The following SLCO3A1 variants were observed in gnomAD, a reference collection of about 807,000 sequenced individuals.
SLCO3A1 encodes PGE1 transporter.
Under a neutral mutation model 63.1 loss-of-function variants are expected in SLCO3A1, and 27 were observed. That is an observed-to-expected ratio of 0.43 (90% confidence interval 0.32 to 0.59). The LOEUF (loss-of-function observed/expected upper bound fraction) is 0.59. Among genes scored for constraint, SLCO3A1 ranks in the 20% least tolerant of loss-of-function variants. The pLI is 0.09. For missense variants in SLCO3A1, 773 were observed against 945.8 expected (o/e 0.82, Z 2.40); for synonymous variants, 473 against 409.9 (o/e 1.15, Z -1.86).
chr15:91,947,108 C>T (rs546667596), intron 2 of SLCO3A1, among the ~76,000 whole-genome samples: 76 of 152,330 alleles, frequency 5.0e-4, no homozygotes, highest in African/African-American at 1.8e-3. Flanking sequence ...GTATTTCCTT[C>T]CCTGGCCTTG....
At chr15:92,021,986 G>A (rs960026372) in intron 2 of SLCO3A1, among the ~76,000 whole-genome samples, 1 of 152,202 alleles carries the variant, frequency 6.6e-6, no homozygotes, top group East Asian at 1.9e-4. Context: ...TGGCAGGAAG[G>A]CAAAGCCAAT....
rs985137435 is a variant in SLCO3A1, at chr15:91,859,223, C to G, written c.180+5135C>G. On this transcript the variant is annotated intron_variant, in intron 1 of 9. Coordinates refer to ENST00000318445, the MANE Select transcript of SLCO3A1 (RefSeq NM_013272.4). This position sits in a 1 kb window ranked among gnomAD's most constrained non-coding sequence, Gnocchi z 5.1. ...TGACACATGGATTTGGAACCGTTCT[C>G]CCCTGAAGAAAATCTCGGTATTTTC... 6.6e-6 allele frequency among the ~76,000 whole-genome samples: 1 copy of G among 152,186 alleles called. No homozygotes were observed. The highest frequency in any genetic ancestry group is 2.4e-5 in the African/African-American group (1 of 41,436).
chr15:92,101,488 G>A (rs543984539), intron 3 of SLCO3A1, among the ~76,000 whole-genome samples: 15 of 152,030 alleles, frequency 9.9e-5, no homozygotes, highest in Admixed American at 4.6e-4. Flanking sequence ...CAGCCTGGCC[G>A]ACAGAGCGAG....
intron 2 of SLCO3A1, among the ~76,000 whole-genome samples, chr15:92,037,910 G>A (rs140924118): frequency 1.3e-5 from 2 of 152,274 alleles, no homozygotes; most frequent in Non-Finnish European, 2.9e-5. Flanking sequence ...TTTATGACAA[G>A]GTGATCTGTC....
At chr15:92,051,096 C>T (rs907316247) in intron 2 of SLCO3A1, among the ~76,000 whole-genome samples, 1 of 152,204 alleles carries the variant, frequency 6.6e-6, no homozygotes, top group Admixed American at 6.5e-5. Context: ...TTATTACCTA[C>T]AATTTTCTTG....
At chr15:92,044,190 GA>G (rs2151489943) in intron 2 of SLCO3A1, among the ~76,000 whole-genome samples, 1 of 152,112 alleles carries the variant, frequency 6.6e-6, no homozygotes, top group African/African-American at 2.4e-5. Flanking sequence ...TGGCTTCTGG[GA>G]AGGAGGGCAA....
rs1012550454 is a variant in SLCO3A1 at position 92,022,474 on chromosome 15, G to A, written c.647-72407G>A. ...CTTAAAGTGTAGGAAGCTCTCAGAT[G>A]GAGGAAGAAGCTCTTGCCTTGTAGG... On this transcript the variant is annotated intron_variant, in intron 2 of 9. Coordinates refer to ENST00000318445, the MANE Select transcript of SLCO3A1 (RefSeq NM_013272.4). 5.9e-5 allele frequency among the ~76,000 whole-genome samples: 9 copies of A among 152,326 alleles called. No homozygotes were observed. The East Asian group carries it at 1.5e-3, about 26-fold the overall frequency.
intron 1 of SLCO3A1, among the ~76,000 whole-genome samples, chr15:91,899,692 G>A (rs1898103570): frequency 6.6e-6 from 1 of 152,084 alleles, no homozygotes. Flanking sequence ...ATAAAGTTAT[G>A]CAGTCATCAC....
intron 2 of SLCO3A1, among the ~76,000 whole-genome samples, chr15:92,006,680 G>A (rs2046316981): frequency 6.6e-6 from 1 of 152,176 alleles, no homozygotes; most frequent in Non-Finnish European, 1.5e-5. Flanking sequence ...TGCCGTTATT[G>A]TTAAAGACTC....
intron 2 of SLCO3A1, among the ~76,000 whole-genome samples, chr15:92,070,089 G>T (rs1017503517): frequency 1.3e-5 from 2 of 152,222 alleles, no homozygotes; most frequent in Non-Finnish European, 2.9e-5. Flanking sequence ...AGAGGCGGAG[G>T]CAGGGTGGAA....
At chr15:91,959,924 G>A (rs576307834) in intron 2 of SLCO3A1, among the ~76,000 whole-genome samples, 2 of 152,016 alleles carry the variant, frequency 1.3e-5, no homozygotes, top group Admixed American at 6.5e-5. Context: ...TTTACTTTCT[G>A]TGTCTATTTG....
intron 2 of SLCO3A1, among the ~76,000 whole-genome samples, chr15:91,923,392 C>T (rs1198393196): frequency 6.6e-6 from 1 of 152,210 alleles, no homozygotes; most frequent in Non-Finnish European, 1.5e-5. Flanking sequence ...ATAGCAACCT[C>T]TTCAGTCCTG....
At chr15:91,937,334 G>A (rs150474900) in intron 2 of SLCO3A1, among the ~76,000 whole-genome samples, 27 of 152,302 alleles carry the variant, frequency 1.8e-4, no homozygotes, top group Admixed American at 1.2e-3. Context: ...AACAAGTGGC[G>A]GGAGGCAGAA....
chr15:92,163,963 G>A lies in SLCO3A1; in HGVS notation c.*828G>A, dbSNP rs868410637. 153 of 985,286 alleles carry A rather than the reference G, an allele frequency of 1.6e-4. No homozygotes were observed. The highest frequency in any genetic ancestry group is 1.0e-3 in the Middle Eastern group (2 of 1,936). The allele number at this position is 985,286 out of a possible 1,614,324, so 61.0% of individuals were successfully genotyped here. A position where few individuals can be genotyped will look rare whatever the true frequency, so the allele number is the denominator to read the frequency against. ...GCCTCGCCTGGCTATGACTGACCCG[G>A]CTCAGAGCTGGTGAGACCCAACGCA... On this transcript the variant is annotated 3_prime_UTR_variant, in exon 10 of 10. Coordinates refer to ENST00000318445, the MANE Select transcript of SLCO3A1 (RefSeq NM_013272.4).
chr15:92,085,846 TTTGAC>T (rs1321957882), intron 2 of SLCO3A1, among the ~76,000 whole-genome samples: 2 of 152,214 alleles, frequency 1.3e-5, no homozygotes, highest in Non-Finnish European at 2.9e-5. Flanking sequence ...TTCTTTATAG[TTTGAC>T]TCCCTGTCAT....
intron 2 of SLCO3A1, among the ~76,000 whole-genome samples, chr15:92,035,091 T>G (rs560050952): frequency 1.3e-5 from 2 of 151,942 alleles, no homozygotes; most frequent in African/African-American, 4.8e-5. Context: ...CATGGGTTTT[T>G]GAACTGTGGG....
chr15:92,059,536 G>A (rs971980308), intron 2 of SLCO3A1, among the ~76,000 whole-genome samples: 6 of 152,128 alleles, frequency 3.9e-5, no homozygotes, highest in African/African-American at 1.2e-4. Flanking sequence ...TCATTATCCC[G>A]CCTGTGAGCA....
intron 2 of SLCO3A1, among the ~76,000 whole-genome samples, chr15:92,046,038 C>A (rs1018817334): frequency 6.6e-6 from 1 of 152,092 alleles, no homozygotes; most frequent in African/African-American, 2.4e-5. Flanking sequence ...TTACCATTTT[C>A]CAACTGGGTT....
intron 2 of SLCO3A1, among the ~76,000 whole-genome samples, chr15:92,076,664 C>A (rs1009587826): frequency 6.6e-6 from 1 of 152,152 alleles, no homozygotes; most frequent in African/African-American, 2.4e-5. Flanking sequence ...CACTGTACAC[C>A]AGCACCGTAC....
Sources: gnomAD v4.1 joint callset for allele counts (sites outside exome capture counted in the v4.1 genomes callset) on GRCh38, gnomAD v4.1.1 for gene constraint, Gnocchi (gnomAD v3.1) non-coding constraint, MANE v1.5 for transcripts, NCBI Gene and HGNC (gene_info 2026-07-23, HGNC 2026-07-21) for gene names.